Variants in FAT3 observed in about 807,000 individuals in gnomAD.
FAT3 encodes the protein FAT atypical cadherin 3, also known as protocadherin Fat 3.
FAT3 carries 95 observed loss-of-function variants against 310.2 expected under a neutral mutation model. The observed-to-expected ratio is 0.31, with a 90% CI of 0.26 to 0.36. The LOEUF (loss-of-function observed/expected upper bound fraction) is 0.36. Ranked by LOEUF, FAT3 falls within the 10% of genes least tolerant of loss-of-function variation. The pLI is 1.00. For synonymous variants in FAT3, 2,314 were observed against 2,192.9 expected, an observed-to-expected ratio of 1.06 and a Z score of -1.54; for missense variants, 5,408 against 5,715.6, an observed-to-expected ratio of 0.95 and a Z score of 1.74.
At chr11:92,773,925 A>G in intron 6 of FAT3, 116 bp from the exon 7 acceptor site, 1 of 1,065,850 alleles carries the variant, frequency 9.4e-7, no homozygotes, top group Non-Finnish European at 1.4e-6. Context: ...AAATTGAGCC[A>G]TAGGGATGCC....
At chr11:92,549,805 AT>A (rs1954740426) in intron 3 of FAT3, among the ~76,000 whole-genome samples, 1 of 152,170 alleles carries the variant, frequency 6.6e-6, no homozygotes, top group Non-Finnish European at 1.5e-5. Context: ...TTGACTCAAG[AT>A]CCTGTTTTTT....
At chr11:92,547,924 C>T (rs1954667546) in intron 3 of FAT3, among the ~76,000 whole-genome samples, 1 of 152,104 alleles carries the variant, frequency 6.6e-6, no homozygotes, top group African/African-American at 2.4e-5. Context: ...GGGCACATCT[C>T]CTTGGCTTCT....
intron 19 of FAT3, among the ~76,000 whole-genome samples, chr11:92,853,737 C>T (rs1048962973): frequency 1.3e-5 from 2 of 152,178 alleles, no homozygotes; most frequent in Admixed American, 6.5e-5. Flanking sequence ...CTCCTCTCTG[C>T]AGCTGCTAGT....
At chr11:92,537,585 G>T (rs1954302063) in intron 3 of FAT3, among the ~76,000 whole-genome samples, 1 of 152,136 alleles carries the variant, frequency 6.6e-6, no homozygotes, top group African/African-American at 2.4e-5. Context: ...TAATTTCTGG[G>T]TGTGGTGGAA....
intron 7 of FAT3, among the ~76,000 whole-genome samples, chr11:92,779,900 A>G (rs1946698881): frequency 6.6e-6 from 1 of 152,286 alleles, no homozygotes; most frequent in Non-Finnish European, 1.5e-5. Flanking sequence ...AAGCAGCAAC[A>G]TGACAAGGAA....
intron 9 of FAT3, among the ~76,000 whole-genome samples, chr11:92,795,051 C>T (rs576791505): frequency 6.6e-6 from 1 of 152,298 alleles, no homozygotes; most frequent in East Asian, 1.9e-4. Flanking sequence ...CTGTCTCCTG[C>T]CTGTCCTCTA....
chr11:92,878,634 T>TAAAAAAAAAAAAAAAAAAA (rs145900689), intron 22 of FAT3, among the ~76,000 whole-genome samples: 4 of 21,230 alleles, frequency 1.9e-4, no homozygotes, highest in African/African-American at 2.8e-4. Flanking sequence ...TGTTATGTGT[T>TAAAAAAAAAAAAAAAAAAA]AAAAAAAAAA....
chr11:92,340,350 T>C (rs1948216553), intron 1 of FAT3, among the ~76,000 whole-genome samples: 1 of 152,130 alleles, frequency 6.6e-6, no homozygotes, highest in African/African-American at 2.4e-5. Flanking sequence ...GTAGGGTTGC[T>C]GTCATCTTTT....
At chr11:92,355,994 G>A (rs1303123794) in intron 2 of FAT3, among the ~76,000 whole-genome samples, 2 of 152,102 alleles carry the variant, frequency 1.3e-5, no homozygotes, top group Non-Finnish European at 1.5e-5. Flanking sequence ...GTCTTGCTAT[G>A]AATTTTATTT....
At position 92,840,770 on chromosome 11, in the gene FAT3, G is replaced by C; in HGVS notation, c.10566+11G>C. 6.5e-7 allele frequency: 1 copy of C among 1,545,136 alleles called. No homozygotes were observed. Among genetic ancestry groups the C allele is most frequent in the South Asian group, 1.2e-5 (1 of 81,850 alleles). Reference sequence around the variant, plus strand: ...GTGTTGTGTGTCCAGGTATGGCATCGCACTCTGTCTCCGTCGTGCTGTCTT... The same window carrying C: ...GTGTTGTGTGTCCAGGTATGGCATCCCACTCTGTCTCCGTCGTGCTGTCTT... On this transcript the variant is annotated intron_variant, in intron 18 of 27. Coordinates refer to ENST00000525166, the MANE Select transcript of FAT3 (RefSeq NM_001367949.2).
intron 2 of FAT3, among the ~76,000 whole-genome samples, chr11:92,445,747 G>C (rs1951193630): frequency 6.6e-6 from 1 of 152,020 alleles, no homozygotes; most frequent in Non-Finnish European, 1.5e-5. Flanking sequence ...TTTTTGGGGG[G>C]GTGCAGGGGA....
chr11:92,829,788 G>A (rs1449451416), intron 13 of FAT3, among the ~76,000 whole-genome samples: 1 of 152,124 alleles, frequency 6.6e-6, no homozygotes, highest in Non-Finnish European at 1.5e-5. Context: ...AGTAAATGAT[G>A]AAACTTTGGA....
intron 10 of FAT3, among the ~76,000 whole-genome samples, chr11:92,802,905 G>C (rs12290600): frequency 6.6e-6 from 1 of 152,102 alleles, no homozygotes; most frequent in African/African-American, 2.4e-5. Context: ...ATCCACAGTA[G>C]AGCAAATGTG....
chr11:92,748,715 A>C (rs1945743458), intron 4 of FAT3: 1 of 152,216 alleles, frequency 6.6e-6, no homozygotes, highest in Non-Finnish European at 1.5e-5. Context: ...TCTCTGGTTT[A>C]TTTCTTAATA....
At chr11:92,780,384 A>G (rs895591912) in intron 7 of FAT3, among the ~76,000 whole-genome samples, 2 of 152,066 alleles carry the variant, frequency 1.3e-5, no homozygotes, top group Non-Finnish European at 2.9e-5. Context: ...GCTGGTCTTG[A>G]ACTCTTGGGC....
chr11:92,583,133 A>C (rs1938909474), intron 3 of FAT3, among the ~76,000 whole-genome samples: 1 of 152,018 alleles, frequency 6.6e-6, no homozygotes, highest in South Asian at 2.1e-4. Context: ...AATTTAATTC[A>C]GGCTCCCTTG....
chr11:92,327,948 G>A (rs1186140638), intron 1 of FAT3, among the ~76,000 whole-genome samples: 3 of 152,202 alleles, frequency 2.0e-5, no homozygotes, highest in Admixed American at 6.5e-5. Context: ...AAATTTCCAT[G>A]AGTCCCTGTG....
At chr11:92,887,164 T>G in intron 25 of FAT3, 51 bp downstream of exon 25, 2 of 1,477,468 alleles carry the variant, frequency 1.4e-6, no homozygotes. Context: ...CTTCCTGTTC[T>G]GGAAGACCAT....
At chr11:92,634,739 A>G (rs1317391844) in intron 3 of FAT3, among the ~76,000 whole-genome samples, 1 of 152,170 alleles carries the variant, frequency 6.6e-6, no homozygotes, top group Non-Finnish European at 1.5e-5. Context: ...CAAGAATGAG[A>G]TAAGTAGTGT....
Sources: allele counts gnomAD v4.1 joint callset (sites outside exome capture counted in the v4.1 genomes callset), GRCh38; gene constraint gnomAD v4.1.1; transcripts MANE v1.5; gene names NCBI Gene and HGNC (gene_info 2026-07-23, HGNC 2026-07-21).